The following ZNF804B variants were observed in gnomAD, a reference collection of about 807,000 sequenced individuals.
ZNF804B encodes zinc finger 804B.
Under a neutral mutation model 101.4 loss-of-function variants are expected in ZNF804B, and 80 were observed. The ratio of observed to expected loss-of-function variants is 0.79; its 90% CI spans 0.66 to 0.95. The LOEUF (loss-of-function observed/expected upper bound fraction) is 0.95. Among genes scored for constraint, ZNF804B ranks in the 40% least tolerant of loss-of-function variants. The probability of loss-of-function intolerance (pLI) is 0.00; values close to 1 mark genes in which losing one functional copy is unlikely to be tolerated. For missense variants in ZNF804B, 1,673 were observed against 1,561.9 expected, an observed-to-expected ratio of 1.07 and a Z score of -1.20; for synonymous variants, 622 against 558.8, an observed-to-expected ratio of 1.11 and a Z score of -1.59.
At chr7:89,283,077 T>C (rs953593475) in intron 2 of ZNF804B, among the ~76,000 whole-genome samples, 1 of 152,158 alleles carries the variant, frequency 6.6e-6, no homozygotes, top group Admixed American at 6.6e-5. Flanking sequence ...ATTAATTGTC[T>C]CCATAATGAA....
intron 1 of ZNF804B, among the ~76,000 whole-genome samples, chr7:88,836,482 C>T (rs1343447208): frequency 6.6e-6 from 1 of 151,798 alleles, no homozygotes; most frequent in Non-Finnish European, 1.5e-5. Flanking sequence ...ACAACAATAA[C>T]ATTTACATTC....
intron 2 of ZNF804B, among the ~76,000 whole-genome samples, chr7:89,227,877 A>G (rs1019093704): frequency 6.6e-6 from 1 of 152,228 alleles, no homozygotes; most frequent in African/African-American, 2.4e-5. Context: ...CAGGGAAAAA[A>G]ATATGTCATT....
chr7:88,889,054 G>A (rs1214346275), intron 1 of ZNF804B, among the ~76,000 whole-genome samples: 1 of 152,072 alleles, frequency 6.6e-6, no homozygotes, highest in Non-Finnish European at 1.5e-5. Flanking sequence ...TTGGTTTCCT[G>A]TTCCTGAATT....
intron 1 of ZNF804B, among the ~76,000 whole-genome samples, chr7:88,827,564 C>T (rs1440339380): frequency 6.6e-6 from 1 of 151,894 alleles, no homozygotes; most frequent in Admixed American, 6.6e-5. Flanking sequence ...TTAGTTTTTG[C>T]CACTCATTTG....
intron 1 of ZNF804B, among the ~76,000 whole-genome samples, chr7:89,097,444 G>A (rs1231338460): frequency 1.3e-5 from 2 of 152,206 alleles, no homozygotes; most frequent in Non-Finnish European, 2.9e-5. Flanking sequence ...TCAAGGAGAA[G>A]TTTTGAGTAA....
intron 1 of ZNF804B, among the ~76,000 whole-genome samples, chr7:89,183,395 A>T (rs553757952): frequency 1.3e-3 from 204 of 152,296 alleles, no homozygotes; most frequent in African/African-American, 4.6e-3. Flanking sequence ...GAGTAAAAAA[A>T]AAGATCCTAA....
intron 1 of ZNF804B, among the ~76,000 whole-genome samples, chr7:89,182,190 C>A (rs1002494040): frequency 7.2e-5 from 11 of 152,200 alleles, no homozygotes; most frequent in Middle Eastern, 6.8e-3. Flanking sequence ...TTTCAAGAAG[C>A]ATAGTATTGT....
chr7:89,100,508 T>A (rs1182398332), intron 1 of ZNF804B, among the ~76,000 whole-genome samples: 1 of 151,890 alleles, frequency 6.6e-6, no homozygotes, highest in East Asian at 1.9e-4. Context: ...AAGGAAACAA[T>A]CAACAAAGTG....
chr7:89,219,844 G>GTA (rs1231445218), intron 2 of ZNF804B, among the ~76,000 whole-genome samples: 2 of 144,190 alleles, frequency 1.4e-5, no homozygotes, highest in Non-Finnish European at 3.0e-5. Flanking sequence ...AAATATATAT[G>GTA]TATATATATG....
At chr7:89,166,260 G>A (rs1218250801) in intron 1 of ZNF804B, among the ~76,000 whole-genome samples, 1 of 152,112 alleles carries the variant, frequency 6.6e-6, no homozygotes, top group Admixed American at 6.6e-5. Context: ...TAACCTTTGA[G>A]CAATGTGGGA....
At chr7:88,954,179 GT>G (rs1034291899) in intron 1 of ZNF804B, among the ~76,000 whole-genome samples, 2 of 151,410 alleles carry the variant, frequency 1.3e-5, no homozygotes, top group African/African-American at 4.8e-5. Flanking sequence ...TGAGTTTTCA[GT>G]TTTTTTTAAT....
At chr7:89,222,614 A>G (rs957334375) in intron 2 of ZNF804B, among the ~76,000 whole-genome samples, 13 of 151,926 alleles carry the variant, frequency 8.6e-5, no homozygotes, top group African/African-American at 2.9e-4. Context: ...TTCTTCAAAC[A>G]TGTCTTATGC....
intron 1 of ZNF804B, among the ~76,000 whole-genome samples, chr7:88,912,560 C>A (rs115778951): frequency 6.6e-6 from 1 of 152,056 alleles, no homozygotes; most frequent in South Asian, 2.1e-4. Flanking sequence ...TGTCTATGTT[C>A]GTCTTGGGTA....
At chr7:89,296,341 C>T (rs1350625908) in intron 2 of ZNF804B, among the ~76,000 whole-genome samples, 2 of 151,902 alleles carry the variant, frequency 1.3e-5, no homozygotes. Context: ...TGTTTGACCT[C>T]TTTATTTTCA....
intron 1 of ZNF804B, among the ~76,000 whole-genome samples, chr7:88,881,687 A>G (rs937314400): frequency 2.0e-5 from 3 of 152,164 alleles, no homozygotes; most frequent in Non-Finnish European, 4.4e-5. Flanking sequence ...AAAAAAATAA[A>G]TTAGTAAACT....
At chr7:89,171,377 CTCT>C (rs1791231586) in intron 1 of ZNF804B, among the ~76,000 whole-genome samples, 6 of 104,714 alleles carry the variant, frequency 5.7e-5, no homozygotes, top group East Asian at 2.6e-4. Flanking sequence ...CCTCTTCTTC[CTCT>C]TCTTCCTCTT....
At chr7:88,824,974 C>T (rs1791032970) in intron 1 of ZNF804B, among the ~76,000 whole-genome samples, 1 of 152,126 alleles carries the variant, frequency 6.6e-6, no homozygotes, top group Non-Finnish European at 1.5e-5. Context: ...GAGGGGAAAT[C>T]CAAATGATCC....
At chr7:89,318,144 T>TTATTAACTTCTAC (rs1287931558) in intron 2 of ZNF804B, among the ~76,000 whole-genome samples, 2 of 152,170 alleles carry the variant, frequency 1.3e-5, no homozygotes, top group African/African-American at 4.8e-5. Flanking sequence ...CTTCTACTGA[T>TTATTAACTTCTAC]TATAAATTAT....
At chr7:89,069,728 C>T (rs1010041508) in intron 1 of ZNF804B, among the ~76,000 whole-genome samples, 16 of 151,942 alleles carry the variant, frequency 1.1e-4, no homozygotes, top group African/African-American at 2.2e-4. Context: ...TCTTTTTAGT[C>T]GAATTTTCCC....
Sources: allele counts gnomAD v4.1 joint callset (sites outside exome capture counted in the v4.1 genomes callset), GRCh38; gene constraint gnomAD v4.1.1; transcripts MANE v1.5; gene names NCBI Gene and HGNC (gene_info 2026-07-23, HGNC 2026-07-21).